Variants in SPIRE1 observed in about 807,000 individuals in gnomAD.
The protein encoded by SPIRE1 is protein spire homolog 1.
Under a neutral mutation model 94.1 loss-of-function variants are expected in SPIRE1, and 40 were observed. The ratio of observed to expected loss-of-function variants is 0.43; its 90% CI spans 0.33 to 0.55. SPIRE1 has a LOEUF of 0.55. Among genes scored for constraint, SPIRE1 ranks in the 20% least tolerant of loss-of-function variants. The probability of loss-of-function intolerance (pLI) is 0.06; values close to 1 mark genes in which losing one functional copy is unlikely to be tolerated. For synonymous variants in SPIRE1, 376 were observed against 371.7 expected, an observed-to-expected ratio of 1.01 and a Z score of -0.13; for missense variants, 838 against 975.2, an observed-to-expected ratio of 0.86 and a Z score of 1.87.
intron 2 of SPIRE1, among the ~76,000 whole-genome samples, chr18:12,570,684 C>T (rs2035940270): frequency 6.6e-6 from 1 of 152,198 alleles, no homozygotes; most frequent in South Asian, 2.1e-4. Context: ...GTCCTCCTCA[C>T]TTATGGAATT....
intron 4 of SPIRE1, among the ~76,000 whole-genome samples, chr18:12,534,928 C>A (rs1189435931): frequency 6.6e-6 from 1 of 152,180 alleles, no homozygotes; most frequent in South Asian, 2.1e-4. Flanking sequence ...CTAATATATA[C>A]CCATTACCTA....
chr18:12,494,890 A>T (rs1408015481), intron 7 of SPIRE1, among the ~76,000 whole-genome samples: 26 of 146,798 alleles, frequency 1.8e-4, no homozygotes, highest in Non-Finnish European at 3.7e-4. Context: ...TCTACTGAAA[A>T]TACAAAAAAA....
intron 12 of SPIRE1, among the ~76,000 whole-genome samples, chr18:12,457,846 C>CTTTT: frequency 7.6e-6 from 1 of 132,260 alleles, no homozygotes; most frequent in Non-Finnish European, 1.6e-5. Context: ...TTTCTTTTTT[C>CTTTT]TTTTTTTTTT....
intron 2 of SPIRE1, among the ~76,000 whole-genome samples, chr18:12,615,345 A>AAAAAAAAAAAAAAAAAAAATAT: frequency 1.7e-4 from 3 of 17,242 alleles, no homozygotes; most frequent in African/African-American, 2.4e-4. Context: ...AAAAAAAAAA[A>AAAAAAAAAAAAAAAAAAAATAT]ATATATATAT....
intron 2 of SPIRE1, among the ~76,000 whole-genome samples, chr18:12,606,395 A>C (rs2036977095): frequency 6.6e-6 from 1 of 152,232 alleles, no homozygotes; most frequent in Admixed American, 6.5e-5. Flanking sequence ...GGGAAGAAGA[A>C]TAGAAAAGAA....
At chr18:12,642,963 G>A (rs2038126906) in intron 1 of SPIRE1, among the ~76,000 whole-genome samples, 1 of 151,956 alleles carries the variant, frequency 6.6e-6, no homozygotes, top group African/African-American at 2.4e-5. Flanking sequence ...GCTGCCATAG[G>A]AATAGAAGAC....
intron 2 of SPIRE1, among the ~76,000 whole-genome samples, chr18:12,613,423 T>C (rs1290871791): frequency 6.6e-6 from 1 of 152,172 alleles, no homozygotes; most frequent in Non-Finnish European, 1.5e-5. Context: ...ACTTCTCTTG[T>C]CCCTTCAAAC....
chr18:12,646,881 C>T (rs1355927664), intron 1 of SPIRE1, among the ~76,000 whole-genome samples: 1 of 151,970 alleles, frequency 6.6e-6, no homozygotes, highest in African/African-American at 2.4e-5. Flanking sequence ...TCTGTCTCTG[C>T]TAAAAATACA....
At chr18:12,609,950 T>C (rs9958409) in intron 2 of SPIRE1, among the ~76,000 whole-genome samples, 84,938 of 151,818 alleles carry the variant, frequency 0.56, 24,943 homozygotes, top group Middle Eastern at 0.76. Context: ...CTGAATCTCC[T>C]CAGGATCAAT....
intron 2 of SPIRE1, among the ~76,000 whole-genome samples, chr18:12,576,685 C>A (rs1167909612): frequency 6.6e-6 from 1 of 150,584 alleles, no homozygotes; most frequent in South Asian, 2.1e-4. Context: ...GTCAGGAGAT[C>A]GAGACCATCC....
At chr18:12,539,284 G>A (rs1228489740) in intron 3 of SPIRE1, among the ~76,000 whole-genome samples, 1 of 152,116 alleles carries the variant, frequency 6.6e-6, no homozygotes, top group East Asian at 1.9e-4. Flanking sequence ...ATGACAGTGA[G>A]TAAGTCTCAT....
intron 2 of SPIRE1, among the ~76,000 whole-genome samples, chr18:12,611,085 G>T (rs1397990085): frequency 1.3e-5 from 2 of 151,934 alleles, no homozygotes; most frequent in African/African-American, 4.8e-5. Flanking sequence ...TTCTATACTG[G>T]ATCGTTACTG....
intron 10 of SPIRE1, among the ~76,000 whole-genome samples, chr18:12,478,306 T>C (rs2143743750): frequency 6.7e-6 from 1 of 150,322 alleles, no homozygotes; most frequent in South Asian, 2.1e-4. Context: ...CTGGGGTGTG[T>C]ATGTGTGTGT....
At chr18:12,639,526 G>A (rs2038028182) in intron 1 of SPIRE1, among the ~76,000 whole-genome samples, 1 of 152,138 alleles carries the variant, frequency 6.6e-6, no homozygotes, top group Non-Finnish European at 1.5e-5. Context: ...GAGGTCAGGA[G>A]TTCAAGGCCA....
chr18:12,502,680 T>C (rs1273437075), intron 6 of SPIRE1, among the ~76,000 whole-genome samples: 1 of 152,154 alleles, frequency 6.6e-6, no homozygotes, highest in Non-Finnish European at 1.5e-5. Flanking sequence ...ATTTAAACCA[T>C]GGGGATAATT....
chr18:12,601,158 C>T lies in SPIRE1; in HGVS notation c.372+33904G>A, dbSNP rs1461080773. Among the ~76,000 whole-genome samples, 11 of 152,006 alleles carry T rather than the reference C, an allele frequency of 7.2e-5. No homozygotes were observed. In the East Asian group the frequency reaches 1.7e-3, roughly 24 times the overall value. On this transcript the variant is annotated intron_variant, in intron 2 of 16. Coordinates refer to ENST00000409402, the MANE Select transcript of SPIRE1 (RefSeq NM_001128626.2). ...TTTATTGGCTGGGTGCGGTGGCTCA[C>T]GCCTGTAATCCCAGCACTCTGGGAG...
intron 5 of SPIRE1, among the ~76,000 whole-genome samples, chr18:12,508,159 T>TA (rs199760073): frequency 0.012 from 1,752 of 147,582 alleles, 20 homozygotes; most frequent in Middle Eastern, 0.052. Context: ...AAATAAAAAA[T>TA]AAAAAAAAAA....
upstream of SPIRE1, chr18:12,658,371 G>C (rs774992944): frequency 4.1e-4 from 170 of 411,858 alleles, 3 homozygotes; most frequent in South Asian, 3.0e-3. Context: ...CGGTCCGGAG[G>C]GGATGCGCGG....
At chr18:12,621,102 C>A (rs1017574146) in intron 2 of SPIRE1, among the ~76,000 whole-genome samples, 19 of 152,218 alleles carry the variant, frequency 1.2e-4, no homozygotes, top group African/African-American at 3.9e-4. Flanking sequence ...GTCATTTCTA[C>A]AATGGTCAAC....
Sources: gnomAD v4.1 joint callset for allele counts (sites outside exome capture counted in the v4.1 genomes callset) on GRCh38, gnomAD v4.1.1 for gene constraint, MANE v1.5 for transcripts, NCBI Gene and HGNC (gene_info 2026-07-23, HGNC 2026-07-21) for gene names.